The following ROBO2 variants were observed in gnomAD, a reference collection of about 807,000 sequenced individuals.
ROBO2 encodes roundabout guidance receptor 2.
ROBO2 carries 53 observed loss-of-function variants against 160.8 expected under a neutral mutation model. The ratio of observed to expected loss-of-function variants is 0.33; its 90% confidence interval spans 0.26 to 0.41. ROBO2 has a LOEUF of 0.41. Among genes scored for constraint, ROBO2 ranks in the 10% least tolerant of loss-of-function variants. The probability of loss-of-function intolerance (pLI) is 1.00; values close to 1 mark genes in which losing one functional copy is unlikely to be tolerated. For missense variants in ROBO2, 1,577 were observed against 1,722.4 expected (o/e 0.92, Z 1.49); for synonymous variants, 664 against 611.7 (o/e 1.09, Z -1.26).
intron 2 of ROBO2, among the ~76,000 whole-genome samples, chr3:76,626,983 C>A (rs962530271): frequency 6.6e-6 from 1 of 152,184 alleles, no homozygotes; most frequent in African/African-American, 2.4e-5. Context: ...AGCCACCATG[C>A]CCAGCCCTGT....
At chr3:75,925,614 G>A (rs1263020623) in intron 1 of ROBO2, among the ~76,000 whole-genome samples, 2 of 152,146 alleles carry the variant, frequency 1.3e-5, no homozygotes, top group Non-Finnish European at 2.9e-5. Context: ...TTGAAGTTTT[G>A]AGATAGCTTG....
At chr3:77,528,598 C>A (rs993892184) in intron 6 of ROBO2, among the ~76,000 whole-genome samples, 2 of 151,596 alleles carry the variant, frequency 1.3e-5, no homozygotes, top group African/African-American at 4.8e-5. Flanking sequence ...TCCTCAGTGA[C>A]CTCCTCTATA....
chr3:76,834,008 T>TCGTTC, intron 2 of ROBO2, among the ~76,000 whole-genome samples: 1 of 126,340 alleles, frequency 7.9e-6, no homozygotes, highest in Non-Finnish European at 1.7e-5. Flanking sequence ...CTTCTTTCTT[T>TCGTTC]CTTTCCTTTC....
chr3:76,275,668 A>G (rs1337845430), intron 2 of ROBO2, among the ~76,000 whole-genome samples: 2 of 152,192 alleles, frequency 1.3e-5, no homozygotes, highest in African/African-American at 4.8e-5. Flanking sequence ...TTAAGTACAT[A>G]CAATTGAATG....
At position 76,722,063 on chromosome 3, in the gene ROBO2, A is replaced by T. The variant is rs182723461; in HGVS notation, c.110-375951A>T. ...TCCAGGTTAATAGTAATGCCTCTGGAAATGTTTCCTAAAAATTGAAGGCAG... is the reference window on the plus strand; with the variant it reads ...TCCAGGTTAATAGTAATGCCTCTGGTAATGTTTCCTAAAAATTGAAGGCAG... On this transcript the variant is annotated intron_variant, in intron 2 of 26. Coordinates refer to the ROBO2 transcript ENST00000487694. Among the ~76,000 whole-genome samples, 217 of 152,278 alleles carry T rather than the reference A, an allele frequency of 1.4e-3. 1 individual carries two copies. The highest frequency in any genetic ancestry group is 5.1e-3 in the African/African-American group (210 of 41,560).
chr3:76,591,819 A>G (rs1189913624), intron 2 of ROBO2, among the ~76,000 whole-genome samples: 1 of 152,056 alleles, frequency 6.6e-6, no homozygotes, highest in South Asian at 2.1e-4. Context: ...TACTGTTTTA[A>G]TGATACACAT....
intron 2 of ROBO2, among the ~76,000 whole-genome samples, chr3:76,035,704 C>A (rs1320931352): frequency 6.6e-6 from 1 of 152,018 alleles, no homozygotes; most frequent in Non-Finnish European, 1.5e-5. Flanking sequence ...GTATGTTTTG[C>A]AGAAATGTAC....
chr3:76,713,743 C>G (rs573097820), intron 2 of ROBO2, among the ~76,000 whole-genome samples: 1 of 152,006 alleles, frequency 6.6e-6, no homozygotes, highest in Non-Finnish European at 1.5e-5. Flanking sequence ...CATCTTTATT[C>G]AACATTAACA....
At chr3:76,224,808 C>T (rs556486935) in intron 2 of ROBO2, among the ~76,000 whole-genome samples, 6 of 152,292 alleles carry the variant, frequency 3.9e-5, no homozygotes, top group Admixed American at 1.3e-4. Flanking sequence ...TCAGTACAAA[C>T]ACTTCAATCA....
chr3:77,121,626 A>T (rs900561759), intron 2 of ROBO2, among the ~76,000 whole-genome samples: 5 of 152,108 alleles, frequency 3.3e-5, no homozygotes, highest in Non-Finnish European at 5.9e-5. Flanking sequence ...TTTCTGCTTA[A>T]CTACTTAAGC....
intron 2 of ROBO2, among the ~76,000 whole-genome samples, chr3:77,177,079 T>C (rs2080233479): frequency 6.6e-6 from 1 of 152,022 alleles, no homozygotes; most frequent in African/African-American, 2.4e-5. Flanking sequence ...AAGGTTATTG[T>C]TACCACTGGT....
chr3:77,546,233 T>C, intron 6 of ROBO2, 105 bp from the exon 8 acceptor site: 1 of 1,208,222 alleles, frequency 8.3e-7, no homozygotes, highest in Non-Finnish European at 1.2e-6. Flanking sequence ...AACTGTAGTC[T>C]CTCTCTGGCA....
exon 13 of ROBO2, chr3:77,568,417 G>T (rs1240128695): frequency 6.2e-7 from 1 of 1,612,836 alleles, no homozygotes; most frequent in Non-Finnish European, 8.5e-7. Context: ...TCCCACCACG[G>T]TTCAGGTCAC....
intron 4 of ROBO2, among the ~76,000 whole-genome samples, chr3:77,482,127 A>G (rs1014316789): frequency 6.6e-6 from 1 of 152,190 alleles, no homozygotes; most frequent in Non-Finnish European, 1.5e-5. Context: ...GTACATGTGT[A>G]TATATACAAT....
chr3:77,310,679 C>T (rs2063469510), intron 2 of ROBO2, among the ~76,000 whole-genome samples: 1 of 152,108 alleles, frequency 6.6e-6, no homozygotes, highest in East Asian at 1.9e-4. Flanking sequence ...TCTTGTTTCT[C>T]TTAAGATTCA....
chr3:77,568,743 C>T (rs985277669), intron 13 of ROBO2, among the ~76,000 whole-genome samples: 6 of 151,962 alleles, frequency 3.9e-5, no homozygotes, highest in Admixed American at 1.3e-4. Context: ...TAAATTATCA[C>T]CAAAATCTAA....
In ROBO2 at chr3:75,920,334, C is replaced by A. The variant is rs779832612; in HGVS notation, c.-14+13374C>A. ...GTTGTTCAGTTTCCATGTAGTTGTG[C>A]AGTTTTGAGTGAGTTTCTTAATTCT... On this transcript the variant is annotated intron_variant, in intron 1 of 26. Transcript: ENST00000487694. 2.6e-5 allele frequency among the ~76,000 whole-genome samples: 4 copies of A among 152,084 alleles called. 1 individual carries two copies. The highest frequency in any genetic ancestry group is 4.1e-4 in the South Asian group (2 of 4,824).
chr3:77,067,891 C>A (rs752951604), intron 1 of ROBO2, among the ~76,000 whole-genome samples: 2 of 152,022 alleles, frequency 1.3e-5, no homozygotes, highest in Non-Finnish European at 2.9e-5. Context: ...GAACTTTTTT[C>A]TTTTTTATTT....
intron 2 of ROBO2, among the ~76,000 whole-genome samples, chr3:76,779,483 A>T (rs1361298741): frequency 6.6e-6 from 1 of 150,796 alleles, no homozygotes; most frequent in East Asian, 2.0e-4. Flanking sequence ...GAAACTTTGC[A>T]CCCCTTAAAC....
Sources: gnomAD v4.1 joint callset for allele counts (sites outside exome capture counted in the v4.1 genomes callset) on GRCh38, gnomAD v4.1.1 for gene constraint, MANE v1.5 for transcripts, NCBI Gene and HGNC (gene_info 2026-07-23, HGNC 2026-07-21) for gene names.